GRAMD1B: variants seen among roughly 807,000 people sequenced by gnomAD.
GRAMD1B encodes the protein GRAM domain containing 1B.
GRAMD1B carries 37 observed loss-of-function variants against 99.7 expected under a neutral mutation model. That is an observed-to-expected ratio of 0.37 (90% CI 0.29 to 0.49). The LOEUF (loss-of-function observed/expected upper bound fraction) is 0.49. Ranked by LOEUF, GRAMD1B falls within the 20% of genes least tolerant of loss-of-function variation. The pLI is 0.98. For synonymous variants in GRAMD1B, 427 were observed against 387.6 expected (o/e 1.10, Z -1.19); for missense variants, 888 against 1,009.2 (o/e 0.88, Z 1.63).
At chr11:123,394,016 C>G (rs752318011) in intron 1 of GRAMD1B, among the ~76,000 whole-genome samples, 2 of 152,176 alleles carry the variant, frequency 1.3e-5, no homozygotes, top group Non-Finnish European at 2.9e-5. Context: ...AAAAGGTCAT[C>G]CTTATTCTAC....
chr11:123,505,987 C>G (rs1334408557), intron 2 of GRAMD1B, among the ~76,000 whole-genome samples: 2 of 152,194 alleles, frequency 1.3e-5, no homozygotes, highest in African/African-American at 4.8e-5. Context: ...TGTTTCATCA[C>G]CATCTTTTCA....
chr11:123,581,404 C>T (rs535269670), intron 3 of GRAMD1B, among the ~76,000 whole-genome samples: 3 of 152,178 alleles, frequency 2.0e-5, no homozygotes, highest in African/African-American at 4.8e-5. Flanking sequence ...CCCCAGAGGC[C>T]GGCAGCTCCT....
chr11:123,403,669 G>T (rs1050053328), intron 1 of GRAMD1B, among the ~76,000 whole-genome samples: 1 of 151,200 alleles, frequency 6.6e-6, no homozygotes, highest in Non-Finnish European at 1.5e-5. Context: ...TCAGCCTCCC[G>T]AGTAGCTGGG....
intron 2 of GRAMD1B, among the ~76,000 whole-genome samples, chr11:123,541,457 T>G (rs574018257): frequency 1.3e-5 from 2 of 152,340 alleles, no homozygotes; most frequent in East Asian, 3.9e-4. Flanking sequence ...ATCTCAGAGT[T>G]ACATTGGTTT....
chr11:123,454,044 G>C (rs1950004878), intron 1 of GRAMD1B, among the ~76,000 whole-genome samples: 1 of 152,216 alleles, frequency 6.6e-6, no homozygotes, highest in African/African-American at 2.4e-5. Context: ...TTTCCCAGCA[G>C]CTGAGTGTGA....
At chr11:123,375,829 A>C (rs1267727142) in intron 1 of GRAMD1B, among the ~76,000 whole-genome samples, 2 of 152,234 alleles carry the variant, frequency 1.3e-5, no homozygotes, top group African/African-American at 4.8e-5. Context: ...AGAGTCAGTT[A>C]TTCAGGAAAG....
intron 1 of GRAMD1B, among the ~76,000 whole-genome samples, chr11:123,413,080 C>T (rs1446026390): frequency 2.0e-5 from 3 of 152,204 alleles, no homozygotes; most frequent in African/African-American, 7.2e-5. Context: ...CCGCACCCAG[C>T]CTGCACTCTC....
At chr11:123,512,165 G>A (rs112170347) in intron 2 of GRAMD1B, among the ~76,000 whole-genome samples, 3 of 152,182 alleles carry the variant, frequency 2.0e-5, no homozygotes, top group African/African-American at 4.8e-5. Context: ...GGGCAGTGGC[G>A]ACCATGAAAG....
intron 1 of GRAMD1B, among the ~76,000 whole-genome samples, chr11:123,422,760 C>T (rs1015974478): frequency 4.6e-5 from 7 of 152,148 alleles, no homozygotes; most frequent in Non-Finnish European, 1.0e-4. Flanking sequence ...GGAAATATGA[C>T]CCCCTTGTTC....
chr11:123,447,146 G>C (rs933459696), intron 1 of GRAMD1B, among the ~76,000 whole-genome samples: 11 of 152,126 alleles, frequency 7.2e-5, no homozygotes, highest in African/African-American at 2.7e-4. Context: ...CTGCTGGGTG[G>C]GAGAGGAGAA....
chr11:123,581,921 C>T lies in GRAMD1B; in HGVS notation c.664-2391C>T, dbSNP rs116911570. On this transcript the variant is annotated intron_variant, in intron 3 of 19. Coordinates refer to ENST00000635736, the MANE Select transcript of GRAMD1B (RefSeq NM_001387025.1). ...GTCTACCTGGGGCAGGAGGGAGCCC[C>T]GTGCAGGAGGAGTCACAGGCATCCG... Among the ~76,000 whole-genome samples, 316 of 152,336 alleles carry T rather than the reference C, an allele frequency of 2.1e-3. 5 individuals carry two copies. The highest frequency in any genetic ancestry group is 0.018 in the East Asian group (93 of 5,174).
At chr11:123,583,084 A>G (rs887733559) in intron 3 of GRAMD1B, among the ~76,000 whole-genome samples, 1 of 150,248 alleles carries the variant, frequency 6.7e-6, no homozygotes, top group African/African-American at 2.5e-5. Flanking sequence ...CTCTGTGTGT[A>G]TGTATGTGCC....
chr11:123,593,230 T>C (rs1382811470), intron 4 of GRAMD1B, among the ~76,000 whole-genome samples: 2 of 151,502 alleles, frequency 1.3e-5, no homozygotes, highest in Admixed American at 6.6e-5. Context: ...AGACTCTGTC[T>C]AAACAAACAA....
intron 1 of GRAMD1B, among the ~76,000 whole-genome samples, chr11:123,387,787 A>G (rs1947121595): frequency 6.7e-6 from 1 of 149,682 alleles, no homozygotes; most frequent in African/African-American, 2.5e-5. Flanking sequence ...TTTCTTTCAA[A>G]TAACAAGGCC....
Position 123,577,505 on chromosome 11 carries a change from G to A in GRAMD1B, c.591G>A (p.Pro197=), listed in dbSNP as rs574853283. Residue 197 remains proline, a synonymous_variant, in exon 3 of 20, where the codon CCG becomes CCA. Transcript: ENST00000635736. ...KGSDHSSDKS[P]STPEQGVQRS... ...CAGATCACTCCTCGGACAAGTCCCC[G>A]TCCACACCGGAGCAGGGCGTGCAGC... The A allele has an allele frequency of 3.7e-6, 6 of 1,601,496 alleles. No individual in the cohort carries two copies. In the East Asian group the frequency reaches 9.1e-5, roughly 24 times the overall value.
At chr11:123,376,402 C>A (rs563992784) in intron 1 of GRAMD1B, among the ~76,000 whole-genome samples, 38 of 152,224 alleles carry the variant, frequency 2.5e-4, no homozygotes, top group Non-Finnish European at 4.7e-4. Flanking sequence ...TTTACGGGAA[C>A]CAGGTGTACT....
At chr11:123,538,957 G>T (rs998277864) in intron 2 of GRAMD1B, among the ~76,000 whole-genome samples, 1 of 150,348 alleles carries the variant, frequency 6.7e-6, no homozygotes, top group African/African-American at 2.4e-5. Flanking sequence ...GGAATTATAT[G>T]GACTTTTGTT....
chr11:123,407,562 G>A (rs1428319778), intron 1 of GRAMD1B, among the ~76,000 whole-genome samples: 2 of 152,156 alleles, frequency 1.3e-5, no homozygotes, highest in Non-Finnish European at 2.9e-5. Context: ...GGCCACCAGA[G>A]GGCATTAGGA....
rs1186161454 is a variant in GRAMD1B at position 123,627,276 on chromosome 11, T to G, written c.*4681T>G. On this transcript the variant is annotated 3_prime_UTR_variant, in exon 20 of 20. Transcript: ENST00000635736. ...TCTGTCTGGGGCATCGGCCTGGGGC[T>G]TGGGTGCCACGTGCTGAGATTGCAT... The G allele has an allele frequency of 6.6e-6, 1 of 152,370 alleles. No individual in the cohort carries two copies. Among genetic ancestry groups the G allele is most frequent in the Non-Finnish European group, 1.5e-5 (1 of 68,112 alleles). 9.4% of individuals were successfully genotyped at this position (152,370 alleles called of 1,614,324 possible).
Sources: gnomAD v4.1 joint callset for allele counts (sites outside exome capture counted in the v4.1 genomes callset) on GRCh38, gnomAD v4.1.1 for gene constraint, MANE v1.5 for transcripts, NCBI Gene and HGNC (gene_info 2026-07-23, HGNC 2026-07-21) for gene names.